The following DOCK1 variants were observed in gnomAD, a reference collection of about 807,000 sequenced individuals.
The protein encoded by DOCK1 is dedicator of cytokinesis 1.
In DOCK1, 138 loss-of-function variants were observed where a neutral mutation model predicts 262.7. That is an observed-to-expected ratio of 0.53 (90% CI 0.46 to 0.61). DOCK1 has a LOEUF of 0.61. DOCK1 is among the 20% of genes least tolerant of loss of function. The pLI, the probability that DOCK1 is intolerant of heterozygous loss-of-function variation, is 0.00. For synonymous variants in DOCK1, 866 were observed against 867.4 expected (o/e 1.00, Z 0.03); for missense variants, 1,908 against 2,370.7 (o/e 0.80, Z 4.05).
intron 1 of DOCK1, among the ~76,000 whole-genome samples, chr10:126,963,546 C>G (rs1270155570): frequency 1.3e-5 from 2 of 150,768 alleles, no homozygotes; most frequent in Admixed American, 6.6e-5. Flanking sequence ...CCCTTCACTT[C>G]CGTCCTTTCG....
chr10:127,429,117 C>CGTGTGGA (rs2069106490), intron 47 of DOCK1, among the ~76,000 whole-genome samples: 1 of 151,060 alleles, frequency 6.6e-6, no homozygotes, highest in Admixed American at 6.6e-5. Flanking sequence ...GCTGTGTGTC[C>CGTGTGGA]TTGGTTGGAG....
intron 6 of DOCK1, among the ~76,000 whole-genome samples, chr10:126,996,378 C>CAAA (rs55841173): frequency 3.1e-5 from 3 of 95,558 alleles, no homozygotes; most frequent in African/African-American, 3.9e-5. Flanking sequence ...GAGACTGTCT[C>CAAA]AAAAAAAAAA....
At chr10:127,286,020 A>G (rs2061140141) in intron 29 of DOCK1, among the ~76,000 whole-genome samples, 1 of 152,148 alleles carries the variant, frequency 6.6e-6, no homozygotes, top group Non-Finnish European at 1.5e-5. Context: ...GTGTCCTAGC[A>G]TGCCCTTTTT....
intron 23 of DOCK1, among the ~76,000 whole-genome samples, chr10:127,075,239 T>G (rs12261151): frequency 0.16 from 23,833 of 145,652 alleles, 2,270 homozygotes; most frequent in African/African-American, 0.27. Context: ...GGCCATCAAG[T>G]TTTTTCATGG....
At chr10:127,263,873 C>T (rs918547575) in intron 29 of DOCK1, among the ~76,000 whole-genome samples, 1 of 152,148 alleles carries the variant, frequency 6.6e-6, no homozygotes, top group Non-Finnish European at 1.5e-5. Flanking sequence ...CCTTCGTGCT[C>T]CAGTAGGGTG....
intron 29 of DOCK1, among the ~76,000 whole-genome samples, chr10:127,335,574 G>A (rs1383067683): frequency 1.3e-5 from 2 of 150,892 alleles, no homozygotes; most frequent in African/African-American, 4.9e-5. Flanking sequence ...TTGAGATGGA[G>A]TCTTGCTCTG....
Position 127,175,534 on chromosome 10 carries a change from G to T in DOCK1, c.2847+47770G>T. The stretch of plus-strand genomic sequence containing the variant: ...CCGTTGAGATGTGTGGCTCTCCTCC[G>T]CTCGTCATCTGCCGGGCAGAGTGAC... On this transcript the variant is annotated intron_variant, in intron 27 of 51. Transcript: ENST00000623213. This position sits in a 1 kb window ranked among gnomAD's most constrained non-coding sequence, Gnocchi z 6.3. 1.2e-6 allele frequency: 2 copies of T among 1,610,276 alleles called. No individual in the cohort carries two copies.
At chr10:126,949,378 C>T (rs971129783) in intron 1 of DOCK1, among the ~76,000 whole-genome samples, 25 of 152,186 alleles carry the variant, frequency 1.6e-4, no homozygotes, top group African/African-American at 6.0e-4. Context: ...GGCAGGATTT[C>T]GGCTCCCACG....
intron 1 of DOCK1, among the ~76,000 whole-genome samples, chr10:126,954,161 T>C (rs977160375): frequency 3.3e-5 from 5 of 152,258 alleles, no homozygotes; most frequent in Non-Finnish European, 7.3e-5. Flanking sequence ...AGCAATCTTA[T>C]TATGTGTTGC....
intron 38 of DOCK1, among the ~76,000 whole-genome samples, chr10:127,401,164 C>T (rs754527946): frequency 2.0e-5 from 3 of 152,030 alleles, no homozygotes; most frequent in Non-Finnish European, 4.4e-5. Context: ...TACCTGGCCG[C>T]CACCACCCCT....
intron 15 of DOCK1, 111 bp downstream of exon 15, chr10:127,024,894 C>A: frequency 1.2e-6 from 1 of 852,050 alleles, no homozygotes; most frequent in Non-Finnish European, 1.8e-6. Flanking sequence ...TCCAGGCAGG[C>A]AGAGTGTCTC....
intron 7 of DOCK1, among the ~76,000 whole-genome samples, chr10:126,997,099 G>A (rs1048959038): frequency 2.0e-5 from 3 of 152,052 alleles, no homozygotes; most frequent in Non-Finnish European, 2.9e-5. Flanking sequence ...GTGTTTCATC[G>A]TAGGAGACAG....
At chr10:127,206,888 T>C (rs2134287489) in intron 27 of DOCK1, among the ~76,000 whole-genome samples, 1 of 152,356 alleles carries the variant, frequency 6.6e-6, no homozygotes, top group South Asian at 2.1e-4. Flanking sequence ...TTTCAGTACG[T>C]CTGAAGGTCT....
At chr10:127,129,129 C>T (rs1410058579) in intron 27 of DOCK1, among the ~76,000 whole-genome samples, 1 of 152,166 alleles carries the variant, frequency 6.6e-6, no homozygotes, top group African/African-American at 2.4e-5. Context: ...GGTGTCACCA[C>T]AGAGGACTCC....
At chr10:127,180,474 G>A (rs574373362) in intron 27 of DOCK1, among the ~76,000 whole-genome samples, 1 of 152,302 alleles carries the variant, frequency 6.6e-6, no homozygotes, top group Admixed American at 6.5e-5. Context: ...AAAATGGCTA[G>A]TCATGGTTGT....
intron 27 of DOCK1, chr10:127,135,467 T>A (rs1474748508): frequency 5.9e-5 from 9 of 152,690 alleles, no homozygotes; most frequent in Non-Finnish European, 1.3e-4. Flanking sequence ...AATAAAGAAC[T>A]TAACGACAAG....
chr10:127,081,429 A>G (rs2046893108), intron 23 of DOCK1, among the ~76,000 whole-genome samples: 1 of 150,172 alleles, frequency 6.7e-6, no homozygotes, highest in Non-Finnish European at 1.5e-5. Context: ...ATGACCTTTC[A>G]TACGTTTAAT....
At chr10:127,148,519 A>C (rs1195629042) in intron 27 of DOCK1, among the ~76,000 whole-genome samples, 2 of 152,186 alleles carry the variant, frequency 1.3e-5, no homozygotes, top group Non-Finnish European at 2.9e-5. Context: ...ATTTTGTCGC[A>C]GTACTATGTT....
Position 127,106,257 on chromosome 10 carries a change from G to A in DOCK1, c.2472G>A (p.Thr824=), listed in dbSNP as rs368086787. 6.9e-6 allele frequency: 11 copies of A among 1,595,124 alleles called. No homozygotes were observed. Among genetic ancestry groups the A allele is most frequent in the South Asian group, 2.3e-5 (2 of 87,518 alleles). ...GGGCAGCACTGAAATACTTACCAACGATCGTCAACGATGTGAAATTGGTGT... is the reference window on the plus strand; with the variant it reads ...GGGCAGCACTGAAATACTTACCAACAATCGTCAACGATGTGAAATTGGTGT... ...VKGAALKYLP[T]IVNDVKLVFD... Residue 824 remains threonine, a synonymous_variant, in exon 24 of 52, where the codon ACG becomes ACA. Coordinates refer to ENST00000623213, the MANE Select transcript of DOCK1 (RefSeq NM_001290223.2).
Sources: allele counts gnomAD v4.1 joint callset (sites outside exome capture counted in the v4.1 genomes callset), GRCh38; gene constraint gnomAD v4.1.1; non-coding constraint Gnocchi (gnomAD v3.1); transcripts MANE v1.5; gene names NCBI Gene and HGNC (gene_info 2026-07-23, HGNC 2026-07-21).